The following CSNK1G1 variants were observed in gnomAD, a reference collection of about 807,000 sequenced individuals.
CSNK1G1 encodes casein kinase I isoform gamma-1.
A neutral mutation model predicts 59.6 loss-of-function variants in CSNK1G1; 22 were observed. That is an observed-to-expected ratio of 0.37 (90% CI 0.26 to 0.53). CSNK1G1 has a LOEUF of 0.53. Ranked by LOEUF, CSNK1G1 falls within the 20% of genes least tolerant of loss-of-function variation. CSNK1G1 has a pLI of 0.89. For missense variants in CSNK1G1, 384 were observed against 519.5 expected (o/e 0.74, Z 2.54); for synonymous variants, 179 against 177.1 (o/e 1.01, Z -0.08).
intron 7 of CSNK1G1, among the ~76,000 whole-genome samples, chr15:64,205,242 C>T (rs1479966385): frequency 7.7e-6 from 1 of 129,788 alleles, no homozygotes; most frequent in Non-Finnish European, 1.5e-5. Context: ...TATTATGTGG[C>T]CAATATTTTC....
intron 10 of CSNK1G1, among the ~76,000 whole-genome samples, chr15:64,197,697 A>C (rs554494679): frequency 6.6e-6 from 1 of 152,302 alleles, no homozygotes; most frequent in South Asian, 2.1e-4. Context: ...TTGCTGCCAG[A>C]CTAGTACCAC....
Position 64,254,676 on chromosome 15 carries a change from G to A in CSNK1G1, c.223-3095C>T, listed in dbSNP as rs1892276807. 3.3e-5 allele frequency among the ~76,000 whole-genome samples: 5 copies of A among 152,088 alleles called. No homozygotes were observed. The South Asian group carries it at 1.0e-3, about 32-fold the overall frequency. On this transcript the variant is annotated intron_variant, in intron 3 of 11. Transcript: ENST00000303052. ...CAATGCCACTGCACTTTAAAAAACT[G>A]TTATAATGGTAAATTCTGGATATCA...
chr15:64,265,366 A>G (rs538887391), intron 2 of CSNK1G1, among the ~76,000 whole-genome samples: 1 of 152,332 alleles, frequency 6.6e-6, no homozygotes, highest in Non-Finnish European at 1.5e-5. Flanking sequence ...GAGGGAGGTA[A>G]CTGAATCATG....
At chr15:64,213,850 C>G (rs767345717) in intron 6 of CSNK1G1, 40 bp downstream of exon 6, 3 of 1,334,136 alleles carry the variant, frequency 2.2e-6, no homozygotes, top group Non-Finnish European at 3.2e-6. Flanking sequence ...ATAAACTGTT[C>G]TAATGACTCG....
chr15:64,217,282 G>A (rs1305351105), intron 4 of CSNK1G1, among the ~76,000 whole-genome samples: 1 of 152,122 alleles, frequency 6.6e-6, no homozygotes, highest in East Asian at 1.9e-4. Flanking sequence ...TTTTTTATCA[G>A]CTGGAGAAAA....
chr15:64,228,342 A>G (rs1398225099), intron 4 of CSNK1G1, among the ~76,000 whole-genome samples: 1 of 152,232 alleles, frequency 6.6e-6, no homozygotes, highest in Non-Finnish European at 1.5e-5. Flanking sequence ...AGCAGTAAAA[A>G]GCATATAAAG....
At chr15:64,293,440 G>C (rs1160257273) in intron 2 of CSNK1G1, among the ~76,000 whole-genome samples, 2 of 152,142 alleles carry the variant, frequency 1.3e-5, no homozygotes, top group Non-Finnish European at 2.9e-5. Flanking sequence ...AAAGATTCTT[G>C]ATATTGTTTA....
At chr15:64,282,927 C>T (rs761845781) in intron 2 of CSNK1G1, among the ~76,000 whole-genome samples, 2 of 152,160 alleles carry the variant, frequency 1.3e-5, no homozygotes, top group Non-Finnish European at 1.5e-5. Context: ...CATATGCTTA[C>T]TAGTCATCCT....
intron 6 of CSNK1G1, among the ~76,000 whole-genome samples, chr15:64,213,209 T>C (rs540378256): frequency 2.0e-5 from 3 of 152,222 alleles, no homozygotes; most frequent in South Asian, 2.1e-4. Context: ...AAGCCCAATA[T>C]ATGAAACATA....
chr15:64,279,183 T>G (rs1230170352), intron 2 of CSNK1G1, among the ~76,000 whole-genome samples: 2 of 152,142 alleles, frequency 1.3e-5, no homozygotes, highest in Non-Finnish European at 2.9e-5. Flanking sequence ...TAGAGCTCGG[T>G]GAATTTTTAT....
chr15:64,263,967 G>C (rs1298537752), intron 2 of CSNK1G1, among the ~76,000 whole-genome samples: 2 of 151,838 alleles, frequency 1.3e-5, no homozygotes, highest in Non-Finnish European at 2.9e-5. Context: ...AATTTCCAGA[G>C]GACAGTAACG....
chr15:64,269,676 C>T (rs961154522), intron 2 of CSNK1G1, among the ~76,000 whole-genome samples: 2 of 151,724 alleles, frequency 1.3e-5, no homozygotes, highest in African/African-American at 4.8e-5. Flanking sequence ...GTATTTTTAG[C>T]AGAGACAGGG....
chr15:64,201,852 TAAG>T (rs2082114195), intron 10 of CSNK1G1, among the ~76,000 whole-genome samples: 1 of 152,092 alleles, frequency 6.6e-6, no homozygotes. Context: ...AGTGAAATCA[TAAG>T]GAGAGGAAAT....
chr15:64,180,890 A>G (rs941864225), intron 10 of CSNK1G1, among the ~76,000 whole-genome samples: 1 of 152,218 alleles, frequency 6.6e-6, no homozygotes, highest in Non-Finnish European at 1.5e-5. Context: ...AAATAACTGC[A>G]TGGCTGACTT....
chr15:64,307,490 G>C (rs1377874766), intron 1 of CSNK1G1, among the ~76,000 whole-genome samples: 1 of 152,050 alleles, frequency 6.6e-6, no homozygotes, highest in Non-Finnish European at 1.5e-5. Context: ...GAGGCAGGTG[G>C]ATCACTTGAG....
At chr15:64,290,402 A>G (rs1011169754) in intron 2 of CSNK1G1, among the ~76,000 whole-genome samples, 1 of 152,170 alleles carries the variant, frequency 6.6e-6, no homozygotes, top group Non-Finnish European at 1.5e-5. Context: ...GCCCTTAAAA[A>G]AATAATAAAA....
chr15:64,353,962 A>G (rs901306597), intron 1 of CSNK1G1, among the ~76,000 whole-genome samples: 2 of 152,182 alleles, frequency 1.3e-5, no homozygotes, highest in Non-Finnish European at 2.9e-5. Context: ...CTAGTAGCAT[A>G]AATCTAACTG....
chr15:64,310,971 C>G (rs1315059603), intron 1 of CSNK1G1, among the ~76,000 whole-genome samples: 2 of 144,396 alleles, frequency 1.4e-5, no homozygotes, highest in Admixed American at 7.0e-5. Context: ...CACCACTGCA[C>G]TCCAGCCTGG....
chr15:64,222,236 T>C (rs1473340621), intron 4 of CSNK1G1, among the ~76,000 whole-genome samples: 2 of 127,280 alleles, frequency 1.6e-5, no homozygotes, highest in Non-Finnish European at 3.1e-5. Context: ...TGAGAACACA[T>C]GGACACAGAG....
Sources: gnomAD v4.1 joint callset for allele counts (sites outside exome capture counted in the v4.1 genomes callset) on GRCh38, gnomAD v4.1.1 for gene constraint, MANE v1.5 for transcripts, NCBI Gene and HGNC (gene_info 2026-07-23, HGNC 2026-07-21) for gene names.